Variants in NRCAM observed in about 807,000 individuals in gnomAD.
The protein encoded by NRCAM is neuronal cell adhesion molecule.
NRCAM carries 83 observed loss-of-function variants against 156.5 expected under a neutral mutation model. The ratio of observed to expected loss-of-function variants is 0.53; its 90% confidence interval spans 0.44 to 0.64. The LOEUF (loss-of-function observed/expected upper bound fraction) is 0.64. Among genes scored for constraint, NRCAM ranks in the 30% least tolerant of loss-of-function variants. The pLI is 0.00. For missense variants in NRCAM, 1,417 were observed against 1,597.3 expected (o/e 0.89, Z 1.92); for synonymous variants, 538 against 563.9 (o/e 0.95, Z 0.65).
In NRCAM at chr7:108,385,023, C is replaced by T. The variant is rs369971634; in HGVS notation, c.-174+14413G>A. Among the ~76,000 whole-genome samples the T allele has an allele frequency of 2.0e-5, 3 of 152,238 alleles. No homozygotes were observed. In the East Asian group the frequency reaches 5.8e-4, roughly 29 times the overall value. ...AAATAAGATCATAAAAGACAAATGA[C>T]TTTCTGAAGGACCCAAAGTAAGAGG... On this transcript the variant is annotated intron_variant, in intron 2 of 32. Coordinates refer to ENST00000379028, the MANE Select transcript of NRCAM (RefSeq NM_001037132.4).
intron 32 of NRCAM, among the ~76,000 whole-genome samples, chr7:108,157,550 T>C (rs2046263032): frequency 6.6e-6 from 1 of 152,174 alleles, no homozygotes; most frequent in Non-Finnish European, 1.5e-5. Context: ...AGCTAGTTCA[T>C]AAAACTCAAC....
At chr7:108,437,058 T>G (rs1833063226) in intron 1 of NRCAM, among the ~76,000 whole-genome samples, 1 of 152,162 alleles carries the variant, frequency 6.6e-6, no homozygotes, top group Non-Finnish European at 1.5e-5. Flanking sequence ...AATGTTGTAC[T>G]CATACACGAT....
chr7:108,431,362 G>A (rs1824894826), intron 1 of NRCAM, among the ~76,000 whole-genome samples: 1 of 152,194 alleles, frequency 6.6e-6, no homozygotes, highest in Non-Finnish European at 1.5e-5. Context: ...TTGTGTTTGG[G>A]AAATCTAGAC....
At chr7:108,438,774 T>C (rs1424443313) in intron 1 of NRCAM, among the ~76,000 whole-genome samples, 1 of 152,116 alleles carries the variant, frequency 6.6e-6, no homozygotes, top group Non-Finnish European at 1.5e-5. Flanking sequence ...CTACTAGAAT[T>C]AATAAACAAG....
At chr7:108,389,749 A>G (rs922073101) in intron 2 of NRCAM, among the ~76,000 whole-genome samples, 1 of 152,166 alleles carries the variant, frequency 6.6e-6, no homozygotes, top group African/African-American at 2.4e-5. Context: ...TAATTTATTG[A>G]GAGTTTTTGG....
intron 8 of NRCAM, among the ~76,000 whole-genome samples, chr7:108,230,182 G>C (rs2094128978): frequency 6.6e-6 from 1 of 152,026 alleles, no homozygotes; most frequent in African/African-American, 2.4e-5. Flanking sequence ...TTTTGGAGTT[G>C]TTCAATCTCC....
intron 3 of NRCAM, among the ~76,000 whole-genome samples, chr7:108,272,873 T>A (rs1200213267): frequency 1.3e-5 from 2 of 152,000 alleles, no homozygotes; most frequent in Non-Finnish European, 2.9e-5. Context: ...ATTTAAGTAT[T>A]TCTCCTAACG....
intron 3 of NRCAM, among the ~76,000 whole-genome samples, chr7:108,300,160 CTTTTT>C (rs10665036): frequency 3.3e-4 from 22 of 65,866 alleles, no homozygotes; most frequent in African/African-American, 8.5e-4. Context: ...TTTCTGTTGA[CTTTTT>C]TTTTTTTTTT....
intron 1 of NRCAM, among the ~76,000 whole-genome samples, chr7:108,414,870 TG>T (rs1371741075): frequency 1.3e-5 from 2 of 151,902 alleles, no homozygotes; most frequent in East Asian, 3.9e-4. Flanking sequence ...ACAGTGGGCG[TG>T]GTAAGGAGAA....
chr7:108,159,410 G>A, intron 32 of NRCAM, 53 bp downstream of exon 32: 1 of 1,472,950 alleles, frequency 6.8e-7, no homozygotes, highest in Non-Finnish European at 9.5e-7. Context: ...TCTATTCTCG[G>A]GACTGTGTTC....
intron 2 of NRCAM, among the ~76,000 whole-genome samples, chr7:108,316,023 C>T (rs1449730994): frequency 6.6e-6 from 1 of 152,206 alleles, no homozygotes; most frequent in Non-Finnish European, 1.5e-5. Flanking sequence ...TTCCATGGTA[C>T]ACAGTTGCTA....
At chr7:108,345,616 C>T (rs1225855792) in intron 2 of NRCAM, among the ~76,000 whole-genome samples, 1 of 152,010 alleles carries the variant, frequency 6.6e-6, no homozygotes, top group African/African-American at 2.4e-5. Flanking sequence ...GGATTAATGG[C>T]CATATAAGAA....
At chr7:108,213,757 C>T (rs1454643480) in intron 11 of NRCAM, among the ~76,000 whole-genome samples, 1 of 152,080 alleles carries the variant, frequency 6.6e-6, no homozygotes, top group African/African-American at 2.4e-5. Context: ...AATGGAGCTC[C>T]TAAATTTATA....
chr7:108,207,701 T>C (rs768518236), intron 12 of NRCAM, 42 bp from the exon 13 acceptor site: 2 of 1,554,860 alleles, frequency 1.3e-6, no homozygotes, highest in Non-Finnish European at 1.7e-6. Context: ...CTGAATCAAA[T>C]AAGCATTTTA....
chr7:108,254,551 CTTT>C (rs71137620), intron 3 of NRCAM, among the ~76,000 whole-genome samples: 1 of 130,320 alleles, frequency 7.7e-6, no homozygotes, highest in Non-Finnish European at 1.6e-5. Flanking sequence ...AACAATTTTG[CTTT>C]TTTTTTTTTT....
At chr7:108,240,952 G>C (rs960688768) in intron 3 of NRCAM, among the ~76,000 whole-genome samples, 1 of 151,802 alleles carries the variant, frequency 6.6e-6, no homozygotes, top group African/African-American at 2.4e-5. Context: ...TCAGTCCTTC[G>C]ATATGCCTCA....
Position 108,149,737 on chromosome 7 carries a change from A to G in NRCAM, c.*173T>C, listed in dbSNP as rs1467265515. ...AAGTATGCACTTTGCATTCCAGTTC[A>G]TATTAACATATCATTTGACTGAGTT... On this transcript the variant is annotated 3_prime_UTR_variant, in exon 33 of 33. Coordinates refer to ENST00000379028, the MANE Select transcript of NRCAM (RefSeq NM_001037132.4). 3 of 622,366 alleles carry G rather than the reference A, an allele frequency of 4.8e-6. No homozygotes were observed. Among genetic ancestry groups the G allele is most frequent in the Non-Finnish European group, 8.4e-6 (3 of 355,514 alleles). The allele number at this position is 622,366 out of a possible 1,614,324, so 38.6% of individuals were successfully genotyped here.
At chr7:108,265,274 C>T (rs1240011513) in intron 3 of NRCAM, among the ~76,000 whole-genome samples, 1 of 152,198 alleles carries the variant, frequency 6.6e-6, no homozygotes, top group African/African-American at 2.4e-5. Flanking sequence ...GGGATACAGG[C>T]TAATGGAATA....
chr7:108,278,992 A>G (rs73199599), intron 3 of NRCAM, among the ~76,000 whole-genome samples: 6,510 of 152,304 alleles, frequency 0.043, 184 homozygotes, highest in South Asian at 0.11. Context: ...CTTGAAGAGT[A>G]GCAGTGTCTT....
Sources: allele counts gnomAD v4.1 joint callset (sites outside exome capture counted in the v4.1 genomes callset), GRCh38; gene constraint gnomAD v4.1.1; transcripts MANE v1.5; gene names NCBI Gene and HGNC (gene_info 2026-07-23, HGNC 2026-07-21).